The following SUGP1 variants were observed in gnomAD, a reference collection of about 807,000 sequenced individuals.
The protein encoded by SUGP1 is SURP and G-patch domain containing 1.
SUGP1 carries 34 observed loss-of-function variants against 76.5 expected under a neutral mutation model. That is an observed-to-expected ratio of 0.44 (90% CI 0.34 to 0.59). The LOEUF (loss-of-function observed/expected upper bound fraction) is 0.59, where lower values mean the gene tolerates loss of function less well. Ranked by LOEUF, SUGP1 falls within the 20% of genes least tolerant of loss-of-function variation. The probability of loss-of-function intolerance (pLI) is 0.01; values close to 1 mark genes in which losing one functional copy is unlikely to be tolerated. For missense variants in SUGP1, 752 were observed against 851.7 expected (o/e 0.88, Z 1.46); for synonymous variants, 326 against 326.2 (o/e 1.00, Z 0.01).
In SUGP1 at chr19:19,303,631, C is replaced by T. The variant is rs1266303160; in HGVS notation, c.662+93G>A. 4 of 1,512,338 alleles carry T rather than the reference C, an allele frequency of 2.6e-6. No individual in the cohort carries two copies. The African/African-American group carries it at 5.5e-5, about 21-fold the overall frequency. 93.7% of individuals were successfully genotyped at this position (1,512,338 alleles called of 1,614,324 possible). ...AATCAGAAAACGCTTGGAACAGCAT[C>T]CGGCCCACACTAGCAAGCACCCAGC... is the stretch of plus-strand genomic sequence containing the variant. On this transcript the variant is annotated intron_variant, in intron 5 of 13. Transcript: ENST00000247001.
At chr19:19,290,915 G>A (rs572050141) in intron 8 of SUGP1, among the ~76,000 whole-genome samples, 439 of 152,052 alleles carry the variant, frequency 2.9e-3, no homozygotes, top group Non-Finnish European at 5.1e-3. Context: ...TCAGGAGCTC[G>A]AGACCAGCCT....
At chr19:19,316,678 T>A (rs1479292977) in intron 1 of SUGP1, 85 bp from the exon 2 acceptor site, 5 of 1,432,318 alleles carry the variant, frequency 3.5e-6, no homozygotes, top group Non-Finnish European at 3.8e-6. Context: ...GAGCAACTGA[T>A]GTTCAGATTA....
At chr19:19,305,550 T>A (rs1018057791) in intron 4 of SUGP1, 1 of 292,692 alleles carries the variant, frequency 3.4e-6, no homozygotes, top group Non-Finnish European at 6.5e-6. Flanking sequence ...TTGGAGCAAA[T>A]GCGAGAAGGG....
chr19:19,308,448 G>A (rs1015430942), intron 3 of SUGP1, among the ~76,000 whole-genome samples: 1 of 152,250 alleles, frequency 6.6e-6, no homozygotes, highest in Non-Finnish European at 1.5e-5. Context: ...GAGCACAGAC[G>A]TGGTCTGCTT....
chr19:19,277,977 A>AGT (rs2061067146), intron 11 of SUGP1, 98 bp from the exon 12 acceptor site: 4 of 1,455,694 alleles, frequency 2.7e-6, no homozygotes, highest in Non-Finnish European at 3.8e-6. Context: ...TGCTGGGACC[A>AGT]GTGGCCCATC....
intron 2 of SUGP1, among the ~76,000 whole-genome samples, chr19:19,313,331 G>A (rs926919173): frequency 3.3e-5 from 5 of 151,730 alleles, no homozygotes; most frequent in African/African-American, 1.2e-4. Context: ...GGAAGCGAAT[G>A]TTGCAGTGGG....
chr19:19,306,310 G>A (rs964878963), intron 3 of SUGP1, among the ~76,000 whole-genome samples: 4 of 152,198 alleles, frequency 2.6e-5, no homozygotes, highest in Admixed American at 6.5e-5. Flanking sequence ...GAAGTGGGCC[G>A]CTGTGGCTGG....
chr19:19,298,140 T>C lies in SUGP1; in HGVS notation c.888-796A>G, dbSNP rs371811065. On this transcript the variant is annotated intron_variant, in intron 7 of 13. Transcript: ENST00000247001. ...ACCTGCACTTGTGAATCTGGAGGGA[T>C]GGTCATAGCACCAAGGCGTGCAACT... 7.2e-5 allele frequency among the ~76,000 whole-genome samples: 11 copies of C among 152,294 alleles called. No individual in the cohort carries two copies. The East Asian group carries it at 9.7e-4, about 13-fold the overall frequency.
At chr19:19,314,263 T>C (rs919758873) in intron 2 of SUGP1, among the ~76,000 whole-genome samples, 1 of 151,864 alleles carries the variant, frequency 6.6e-6, no homozygotes, top group Non-Finnish European at 1.5e-5. Flanking sequence ...GCGGAGGTTG[T>C]AGTGAGCCGA....
chr19:19,303,299 G>T, intron 6 of SUGP1, 49 bp downstream of exon 6: 1 of 1,517,178 alleles, frequency 6.6e-7, no homozygotes, highest in South Asian at 1.1e-5. Flanking sequence ...TTGGGGCACG[G>T]TATGTCCACA....
At chr19:19,304,014 G>T (rs532795741) in intron 4 of SUGP1, 167 bp from the exon 5 acceptor site, 109 of 1,589,458 alleles carry the variant, frequency 6.9e-5, no homozygotes, top group African/African-American at 1.5e-4. Context: ...GACGAGGGGG[G>T]AGTCGGTCTC....
chr19:19,277,691 A>T (rs8107974), intron 12 of SUGP1, 43 bp downstream of exon 12: 128,768 of 1,601,026 alleles, frequency 0.08, 5,650 homozygotes, highest in African/African-American at 0.18. Flanking sequence ...GGACCCACAG[A>T]CCCCAAGTTC....
chr19:19,308,004 G>A (rs2061329073), intron 3 of SUGP1, among the ~76,000 whole-genome samples: 1 of 151,970 alleles, frequency 6.6e-6, no homozygotes, highest in Non-Finnish European at 1.5e-5. Flanking sequence ...AGTATCAAAG[G>A]CAAAATGTTA....
intron 8 of SUGP1, among the ~76,000 whole-genome samples, chr19:19,282,168 C>T (rs1049246456): frequency 4.6e-5 from 7 of 152,002 alleles, no homozygotes; most frequent in East Asian, 1.9e-4. Flanking sequence ...TTAGTAGAGA[C>T]GGAGTTTCAC....
intron 8 of SUGP1, among the ~76,000 whole-genome samples, chr19:19,284,981 C>A (rs150768844): frequency 0.031 from 4,758 of 151,830 alleles, 256 homozygotes; most frequent in African/African-American, 0.11. Context: ...CATTCTCCTG[C>A]CTCAGCCTCC....
intron 1 of SUGP1, among the ~76,000 whole-genome samples, chr19:19,320,156 G>T (rs1009597622): frequency 3.3e-5 from 5 of 152,248 alleles, no homozygotes; most frequent in African/African-American, 1.2e-4. Context: ...GCCCAAGGTT[G>T]TCGCCGTATT....
chr19:19,306,109 A>G, intron 3 of SUGP1, 33 bp from the exon 4 acceptor site: 3 of 1,501,246 alleles, frequency 2.0e-6, no homozygotes, highest in Non-Finnish European at 2.7e-6. Flanking sequence ...CGCACTCGGG[A>G]TCTGCAGGGC....
At chr19:19,284,804 G>A (rs1024375709) in intron 8 of SUGP1, among the ~76,000 whole-genome samples, 1 of 152,020 alleles carries the variant, frequency 6.6e-6, no homozygotes, top group Non-Finnish European at 1.5e-5. Flanking sequence ...CCTAGAGGTG[G>A]CAGATGAGTT....
At chr19:19,281,371 TA>T (rs959218248) in intron 8 of SUGP1, 2 of 152,198 alleles carry the variant, frequency 1.3e-5, no homozygotes, top group Non-Finnish European at 2.9e-5. Context: ...ATCTAAGCAC[TA>T]GGGTTCGGCA....
Sources: allele counts gnomAD v4.1 joint callset (sites outside exome capture counted in the v4.1 genomes callset), GRCh38; gene constraint gnomAD v4.1.1; transcripts MANE v1.5; gene names NCBI Gene and HGNC (gene_info 2026-07-23, HGNC 2026-07-21).